Variants in TENM2 observed in about 807,000 individuals in gnomAD.
TENM2 encodes teneurin transmembrane protein 2.
TENM2 carries 52 observed loss-of-function variants against 245.2 expected under a neutral mutation model. The ratio of observed to expected loss-of-function variants is 0.21; its 90% CI spans 0.17 to 0.27. The LOEUF (loss-of-function observed/expected upper bound fraction) is 0.27. TENM2 is among the 10% of genes least tolerant of loss of function. The pLI, the probability that TENM2 is intolerant of heterozygous loss-of-function variation, is 1.00. For synonymous variants in TENM2, 1,363 were observed against 1,438.9 expected, an observed-to-expected ratio of 0.95 and a Z score of 1.19; for missense variants, 3,046 against 3,666.8, an observed-to-expected ratio of 0.83 and a Z score of 4.37.
chr5:167,037,362 T>G, the TENM2 span, among the ~76,000 whole-genome samples: 1 of 152,306 alleles, frequency 6.6e-6, no homozygotes, highest in South Asian at 2.1e-4. Flanking sequence ...AGGAGAAAAT[T>G]TTTCTTAACT....
At chr5:167,776,593 G>GAAAAAAAAAAAAAAAAAA (rs869252752) in intron 2 of TENM2, among the ~76,000 whole-genome samples, 8 of 36,020 alleles carry the variant, frequency 2.2e-4, no homozygotes, top group South Asian at 1.7e-3. Flanking sequence ...GACCCTGTCT[G>GAAAAAAAAAAAAAAAAAA]AAAAAAAAAA....
intron 12 of TENM2, among the ~76,000 whole-genome samples, chr5:168,159,516 G>A (rs986741149): frequency 6.6e-6 from 1 of 152,102 alleles, no homozygotes; most frequent in Admixed American, 6.5e-5. Context: ...TACTTCCTAG[G>A]TTTTGTTTTT....
At chr5:167,421,696 A>G (rs1174135622) in intron 2 of TENM2, among the ~76,000 whole-genome samples, 5 of 152,214 alleles carry the variant, frequency 3.3e-5, no homozygotes, top group Admixed American at 3.3e-4. Flanking sequence ...TATAAAATAG[A>G]CAATAGGAAC....
At chr5:167,609,519 C>CAAAAAAAAAAAAAA (rs1171421408) in intron 2 of TENM2, among the ~76,000 whole-genome samples, 2 of 128,950 alleles carry the variant, frequency 1.6e-5, no homozygotes, top group Admixed American at 8.4e-5. Flanking sequence ...AAAACAAAAC[C>CAAAAAAAAAAAAAA]TTACCTAGAA....
intron 2 of TENM2, among the ~76,000 whole-genome samples, chr5:167,667,338 A>C (rs992047372): frequency 3.9e-5 from 6 of 152,152 alleles, no homozygotes; most frequent in African/African-American, 1.4e-4. Flanking sequence ...TGCCACAGTG[A>C]CACCCAAACC....
chr5:167,167,486 C>A, the TENM2 span, among the ~76,000 whole-genome samples: 1 of 152,138 alleles, frequency 6.6e-6, no homozygotes, highest in African/African-American at 2.4e-5. Flanking sequence ...CGTTCCCAAG[C>A]GTTTCCACAT....
chr5:168,112,703 C>T (rs1180486638), intron 9 of TENM2, among the ~76,000 whole-genome samples: 2 of 151,074 alleles, frequency 1.3e-5, no homozygotes, highest in African/African-American at 2.4e-5. Flanking sequence ...CACTGGTTTG[C>T]TCAGCACCAA....
intron 4 of TENM2, among the ~76,000 whole-genome samples, chr5:167,981,220 C>T (rs1393185218): frequency 1.3e-5 from 2 of 152,216 alleles, no homozygotes; most frequent in East Asian, 3.9e-4. Flanking sequence ...CATCCCCACC[C>T]AGGGCAGTCT....
At chr5:166,992,606 A>T in the TENM2 span, among the ~76,000 whole-genome samples, 1 of 152,310 alleles carries the variant, frequency 6.6e-6, no homozygotes, top group Admixed American at 6.5e-5. Flanking sequence ...TTCAGGCAAC[A>T]TAAAGGTGGG....
At chr5:167,294,689 T>C (rs1480873886) in intron 1 of TENM2, among the ~76,000 whole-genome samples, 2 of 152,128 alleles carry the variant, frequency 1.3e-5, no homozygotes, top group Non-Finnish European at 2.9e-5. Context: ...TAGGTTTTAT[T>C]TGGCCTATGG....
chr5:167,721,038 A>G (rs916393754), intron 2 of TENM2, among the ~76,000 whole-genome samples: 3 of 152,200 alleles, frequency 2.0e-5, no homozygotes, highest in Non-Finnish European at 4.4e-5. Context: ...TCATTGCCCA[A>G]TCACTTAATT....
chr5:167,138,205 T>G, the TENM2 span, among the ~76,000 whole-genome samples: 12 of 152,316 alleles, frequency 7.9e-5, no homozygotes, highest in African/African-American at 2.6e-4. Flanking sequence ...AAACAAGTGT[T>G]TACCGATGAA....
chr5:167,353,207 CTT>C (rs1261823259), intron 1 of TENM2, among the ~76,000 whole-genome samples: 1 of 151,404 alleles, frequency 6.6e-6, no homozygotes, highest in Non-Finnish European at 1.5e-5. Context: ...CATAAATAAA[CTT>C]TTTGTTATTT....
chr5:168,236,119 C>T (rs1335317657), intron 25 of TENM2, among the ~76,000 whole-genome samples: 9 of 152,138 alleles, frequency 5.9e-5, no homozygotes, highest in Non-Finnish European at 1.5e-5. Context: ...CTTGTTGGCC[C>T]TTTTAAGGAT....
chr5:166,999,096 C>T, the TENM2 span, among the ~76,000 whole-genome samples: 2 of 149,908 alleles, frequency 1.3e-5, no homozygotes, highest in African/African-American at 4.9e-5. Flanking sequence ...TTTAAAAAAC[C>T]CTGTTTATTC....
At chr5:168,226,017 G>GTCCT in intron 23 of TENM2, 71 bp from the exon 26 acceptor site, 1 of 1,443,480 alleles carries the variant, frequency 6.9e-7, no homozygotes, top group African/African-American at 1.4e-5. Context: ...GGCCCTGTGA[G>GTCCT]TCTTGGGAAC....
intron 2 of TENM2, among the ~76,000 whole-genome samples, chr5:167,780,783 C>T (rs1449715616): frequency 6.6e-6 from 1 of 152,120 alleles, no homozygotes; most frequent in South Asian, 2.1e-4. Context: ...TGTGTTTCCT[C>T]TAGGAGCAAT....
Position 167,698,745 on chromosome 5 carries a change from G to A in TENM2, c.503-177241G>A, listed in dbSNP as rs377452872. 1.2e-4 allele frequency among the ~76,000 whole-genome samples: 17 copies of A among 142,790 alleles called. No homozygotes were observed. In the East Asian group the frequency reaches 3.3e-3, roughly 28 times the overall value. 93.7% of individuals were successfully genotyped at this position (142,790 alleles called of 152,430 possible). On this transcript the variant is annotated intron_variant, in intron 2 of 28. Transcript: ENST00000518659. Reference sequence around the variant, plus strand: ...TTTGCCCCGGCTAGAGTGCAGTGGTGCGATCTCTGCTCACTGCCAGCTCCT... The same window carrying A: ...TTTGCCCCGGCTAGAGTGCAGTGGTACGATCTCTGCTCACTGCCAGCTCCT...
At chr5:167,387,552 A>G (rs113866733) in intron 2 of TENM2, among the ~76,000 whole-genome samples, 3,596 of 152,072 alleles carry the variant, frequency 0.024, 143 homozygotes, top group African/African-American at 0.082. Context: ...CTTCAGTACT[A>G]TGTTGAAGAG....
Sources: allele counts gnomAD v4.1 joint callset (sites outside exome capture counted in the v4.1 genomes callset), GRCh38; gene constraint gnomAD v4.1.1; transcripts MANE v1.5; gene names NCBI Gene and HGNC (gene_info 2026-07-23, HGNC 2026-07-21).